ARHGEF7: variants seen among roughly 807,000 people sequenced by gnomAD.
The protein encoded by ARHGEF7 is PAK-interacting exchange factor beta.
Under a neutral mutation model 109.8 loss-of-function variants are expected in ARHGEF7, and 33 were observed. That is an observed-to-expected ratio of 0.30 (90% confidence interval 0.23 to 0.40). ARHGEF7 has a LOEUF of 0.40. ARHGEF7 is among the 10% of genes least tolerant of loss of function. The pLI is 1.00. For synonymous variants in ARHGEF7, 458 were observed against 424.6 expected, an observed-to-expected ratio of 1.08 and a Z score of -0.97; for missense variants, 938 against 1,098.5, an observed-to-expected ratio of 0.85 and a Z score of 2.07.
At chr13:111,282,941 C>T (rs1472308977) in intron 15 of ARHGEF7, 198 bp from the exon 16 acceptor site, 30 of 782,080 alleles carry the variant, frequency 3.8e-5, no homozygotes, top group Admixed American at 5.7e-5. Context: ...GCCCCACGCT[C>T]GGCCCAGGTG....
At chr13:111,204,330 G>T (rs138267804) in intron 2 of ARHGEF7, among the ~76,000 whole-genome samples, 1 of 152,286 alleles carries the variant, frequency 6.6e-6, no homozygotes, top group Non-Finnish European at 1.5e-5. Flanking sequence ...ATGGCAACAG[G>T]ATACACGTTT....
At chr13:111,138,171 G>C (rs2075172376) in intron 1 of ARHGEF7, among the ~76,000 whole-genome samples, 1 of 152,154 alleles carries the variant, frequency 6.6e-6, no homozygotes, top group Admixed American at 6.5e-5. Context: ...AAATTAGCCT[G>C]GTGTGGTAGC....
intron 4 of ARHGEF7, among the ~76,000 whole-genome samples, chr13:111,215,323 C>T (rs141851945): frequency 1.6e-4 from 24 of 152,184 alleles, no homozygotes; most frequent in African/African-American, 3.9e-4. Flanking sequence ...CCTGCTCCTC[C>T]GTTGGTGCTT....
In ARHGEF7 at chr13:111,301,668, A is replaced by AGTC. The variant is rs1355890921; in HGVS notation, c.2466+137_2466+138insTCG. The AGTC allele has an allele frequency of 1.5e-5, 9 of 620,190 alleles. 1 individual carries two copies. The highest frequency in any genetic ancestry group is 5.9e-5 in the Admixed American group (2 of 33,794). 38.4% of individuals were successfully genotyped at this position (620,190 alleles called of 1,614,324 possible). On this transcript the variant is annotated intron_variant, in intron 21 of 21. Coordinates refer to ENST00000646102, the MANE Select transcript of ARHGEF7 (RefSeq NM_001354046.2). Reference sequence around the variant, plus strand: ...AGCACTTTAGAAGGCCGAGGTGGACAGATCACCTGAGGTCAGGAGTTCAAG... The same window carrying AGTC: ...AGCACTTTAGAAGGCCGAGGTGGACAGTCGATCACCTGAGGTCAGGAGTTCAAG...
At chr13:111,199,082 G>A (rs1260396092) in intron 2 of ARHGEF7, among the ~76,000 whole-genome samples, 1 of 152,170 alleles carries the variant, frequency 6.6e-6, no homozygotes, top group Non-Finnish European at 1.5e-5. Flanking sequence ...GTCCCCACCC[G>A]ACCCAGAAGC....
intron 8 of ARHGEF7, among the ~76,000 whole-genome samples, chr13:111,259,623 A>G (rs1237188660): frequency 1.3e-5 from 2 of 152,322 alleles, no homozygotes; most frequent in East Asian, 3.9e-4. Context: ...GTCCCTTTGA[A>G]TACTGGAAAG....
At chr13:111,221,830 G>A (rs2084456521) in intron 5 of ARHGEF7, among the ~76,000 whole-genome samples, 1 of 151,530 alleles carries the variant, frequency 6.6e-6, no homozygotes, top group Admixed American at 6.6e-5. Context: ...ATGTGTACGT[G>A]TACGTATATG....
chr13:111,168,275 C>T (rs1053836564), intron 2 of ARHGEF7, among the ~76,000 whole-genome samples: 2 of 152,112 alleles, frequency 1.3e-5, no homozygotes, highest in East Asian at 1.9e-4. Context: ...CTGCGGTGTG[C>T]GACAGCTGTG....
intron 2 of ARHGEF7, among the ~76,000 whole-genome samples, chr13:111,165,344 G>A (rs1400970137): frequency 6.6e-6 from 1 of 152,226 alleles, no homozygotes; most frequent in East Asian, 1.9e-4. Flanking sequence ...CATGTGGGCA[G>A]CCGGGTAAGT....
intron 2 of ARHGEF7, among the ~76,000 whole-genome samples, chr13:111,198,072 C>A (rs2080765813): frequency 6.6e-6 from 1 of 152,086 alleles, no homozygotes; most frequent in South Asian, 2.1e-4. Context: ...TTGGCTCAGC[C>A]TGGAAGTACA....
Position 111,206,119 on chromosome 13 carries a change from C to T in ARHGEF7, c.337+746C>T, listed in dbSNP as rs1425113293. On this transcript the variant is annotated intron_variant, in intron 3 of 21. Coordinates refer to ENST00000646102, the MANE Select transcript of ARHGEF7 (RefSeq NM_001354046.2). ...AGAGTAATTTTTTTTTCCTATTTACCTTCACGGATGTTAAATATCAGGTTT... is the reference window on the plus strand; with the variant it reads ...AGAGTAATTTTTTTTTCCTATTTACTTTCACGGATGTTAAATATCAGGTTT... 3.3e-5 allele frequency among the ~76,000 whole-genome samples: 5 copies of T among 151,770 alleles called. No homozygotes were observed. The East Asian group carries it at 9.7e-4, about 29-fold the overall frequency.
intron 3 of ARHGEF7, among the ~76,000 whole-genome samples, chr13:111,206,456 G>T (rs1339047947): frequency 2.6e-5 from 4 of 152,160 alleles, no homozygotes; most frequent in Non-Finnish European, 5.9e-5. Flanking sequence ...CCTGGGAGCA[G>T]GGGCAGACCC....
At position 111,292,152 on chromosome 13, in the gene ARHGEF7, C is replaced by T; in HGVS notation, c.2169C>T (p.Val723=). Residue 723 remains valine, a synonymous_variant, in exon 19 of 22, where the codon GTC becomes GTT. Coordinates refer to ENST00000646102, the MANE Select transcript of ARHGEF7 (RefSeq NM_001354046.2). Reference sequence around the variant, plus strand: ...GCACTGACCTGATGCATAATCACGTCTTGGCTGATGATGACCAACCAAGCC... The same window carrying T: ...GCACTGACCTGATGCATAATCACGTTTTGGCTGATGATGACCAACCAAGCC... ...WQGTDLMHNH[V]LADDDQPSLD... is the part of the protein sequence containing the mutation. The T allele has an allele frequency of 6.2e-7, 1 of 1,613,416 alleles. No individual in the cohort carries two copies. The highest frequency in any genetic ancestry group is 8.5e-7 in the Non-Finnish European group (1 of 1,180,024).
intron 1 of ARHGEF7, among the ~76,000 whole-genome samples, chr13:111,147,107 C>T (rs1225019873): frequency 6.6e-6 from 1 of 152,110 alleles, no homozygotes; most frequent in Admixed American, 6.5e-5. Flanking sequence ...AGCAGACTTC[C>T]CCACCCCTTT....
chr13:111,228,500 C>CTGCTAACACTGTTAAGA lies in ARHGEF7; in HGVS notation c.671-4704_671-4688dup, dbSNP rs2085530453. 2.0e-5 allele frequency among the ~76,000 whole-genome samples: 3 copies of CTGCTAACACTGTTAAGA among 152,158 alleles called. No individual in the cohort carries two copies. The South Asian group carries it at 6.2e-4, about 32-fold the overall frequency. On this transcript the variant is annotated intron_variant, in intron 5 of 21. Coordinates refer to ENST00000646102, the MANE Select transcript of ARHGEF7 (RefSeq NM_001354046.2). The surrounding 1 kb of genome is among the most constrained non-coding windows in gnomAD (Gnocchi z 4.6). ...GATGAGGCAGGCTCGATGCTGAGGA[C>CTGCTAACACTGTTAAGA]TGCTAACACTGTTAAGAGTCTATAC...
chr13:111,242,051 C>T (rs945741377), intron 6 of ARHGEF7, among the ~76,000 whole-genome samples: 1 of 152,050 alleles, frequency 6.6e-6, no homozygotes, highest in Non-Finnish European at 1.5e-5. Flanking sequence ...TTGTGTTCGA[C>T]GGGAATTTCG....
At chr13:111,114,813 C>T (rs1369461632), upstream of ARHGEF7, 1 of 152,278 alleles carries the variant, frequency 6.6e-6, no homozygotes, top group East Asian at 1.9e-4. Context: ...CCTCCCGATT[C>T]AGACCCATAT....
intron 21 of ARHGEF7, among the ~76,000 whole-genome samples, chr13:111,301,797 C>T (rs772482531): frequency 6.6e-6 from 1 of 152,118 alleles, no homozygotes. Flanking sequence ...GAGGCTGAGG[C>T]AGGAGAATTG....
chr13:111,154,744 A>C (rs776613626), intron 2 of ARHGEF7, among the ~76,000 whole-genome samples: 1 of 152,096 alleles, frequency 6.6e-6, no homozygotes, highest in Non-Finnish European at 1.5e-5. Context: ...TTCTTCCTAC[A>C]CTTGGGGTAG....
Sources: allele counts gnomAD v4.1 joint callset (sites outside exome capture counted in the v4.1 genomes callset), GRCh38; gene constraint gnomAD v4.1.1; non-coding constraint Gnocchi (gnomAD v3.1); transcripts MANE v1.5; gene names NCBI Gene and HGNC (gene_info 2026-07-23, HGNC 2026-07-21).